The following ANKRD36B variants were observed in gnomAD, a reference collection of about 807,000 sequenced individuals.
The protein encoded by ANKRD36B is ankyrin repeat domain-containing protein 36B.
A neutral mutation model predicts 135.7 loss-of-function variants in ANKRD36B; 37 were observed. That is an observed-to-expected ratio of 0.27 (90% confidence interval 0.21 to 0.36). The LOEUF is 0.36. ANKRD36B is among the 10% of genes least tolerant of loss of function. ANKRD36B has a pLI of 1.00. For synonymous variants in ANKRD36B, 179 were observed against 348.1 expected (o/e 0.51, Z 5.41); for missense variants, 549 against 1,037.1 (o/e 0.53, Z 6.46).
At chr2:97,571,839 G>T (rs1287565663) in intron 6 of ANKRD36B, among the ~76,000 whole-genome samples, 1 of 152,070 alleles carries the variant, frequency 6.6e-6, no homozygotes, top group Admixed American at 6.5e-5. Context: ...AAAATCATCT[G>T]TTAAGGGCCG....
intron 43 of ANKRD36B, among the ~76,000 whole-genome samples, chr2:97,494,430 G>T (rs2077281054): frequency 9.4e-6 from 1 of 106,768 alleles, no homozygotes; most frequent in South Asian, 2.2e-4. Flanking sequence ...GAGGTAGGAA[G>T]AGAGGGGAGA....
intron 3 of ANKRD36B, among the ~76,000 whole-genome samples, chr2:97,582,440 G>A (rs972558457): frequency 4.6e-5 from 7 of 151,716 alleles, no homozygotes; most frequent in African/African-American, 7.3e-5. Flanking sequence ...GATGACCTGA[G>A]GAAGTGAAGT....
In ANKRD36B at chr2:97,534,716, G is replaced by A. The variant is rs1487751385; in HGVS notation, c.2191+1584C>T. On this transcript the variant is annotated intron_variant, in intron 34 of 43. Transcript: ENST00000359901. ...AGGATGTGGAGAAAGCAGAACCCTC[G>A]TACACCATTGGTGGCATTGTGAATT... Among the ~76,000 whole-genome samples, 8 of 96,434 alleles carry A rather than the reference G, an allele frequency of 8.3e-5. 4 individuals carry two copies. The highest frequency in any genetic ancestry group is 1.2e-4 in the African/African-American group (4 of 32,062). The allele number at this position is 96,434 out of a possible 152,430, so 63.3% of individuals were successfully genotyped here.
chr2:97,531,053 TG>T lies in ANKRD36B; in HGVS notation c.2265+1257del, dbSNP rs1287180409. Reference sequence around the variant, plus strand: ...CCATTTGACCCTGCCATCCCATTACTGGGTATATACCCAAAGGACTATAAAT... The same window carrying T: ...CCATTTGACCCTGCCATCCCATTACTGGTATATACCCAAAGGACTATAAAT... On this transcript the variant is annotated intron_variant, in intron 35 of 43. Transcript: ENST00000359901. Among the ~76,000 whole-genome samples the T allele has an allele frequency of 3.9e-4, 37 of 95,224 alleles. 9 individuals carry two copies. Among genetic ancestry groups the T allele is most frequent in the South Asian group, 2.9e-3 (12 of 4,178 alleles). 62.5% of individuals were successfully genotyped at this position (95,224 alleles called of 152,430 possible).
chr2:97,575,335 C>A lies in ANKRD36B; in HGVS notation c.763+1044G>T, dbSNP rs2082155046. Among the ~76,000 whole-genome samples, 3 of 151,772 alleles carry A rather than the reference C, an allele frequency of 2.0e-5. No individual in the cohort carries two copies. The South Asian group carries it at 6.2e-4, about 32-fold the overall frequency. The stretch of plus-strand genomic sequence containing the variant: ...TAATAATTATAATAACATCATTCTA[C>A]GTCTGCATCTCCAACCTCAGATTTG... On this transcript the variant is annotated intron_variant, in intron 6 of 43. Coordinates refer to ENST00000359901, the MANE Select transcript of ANKRD36B (RefSeq NM_001393939.1).
chr2:97,513,324 A>T lies in ANKRD36B; in HGVS notation c.2661T>A (p.Val887=). ...IQQEKKKRRN[V]EELHQKVREK... is the part of the protein sequence containing the mutation. ...CCCTAACTTTTTGGTGCAACTCTTC[A>T]ACATTTCTTCTTTTCTTTTTTTCTT... Residue 887 remains valine (V), a synonymous_variant, in exon 38 of 44, where the codon GTT becomes GTA. Coordinates refer to ENST00000359901, the MANE Select transcript of ANKRD36B (RefSeq NM_001393939.1). 6.4e-7 allele frequency: 1 copy of T among 1,569,252 alleles called. No individual in the cohort carries two copies. Among genetic ancestry groups the T allele is most frequent in the Non-Finnish European group, 8.6e-7 (1 of 1,167,166 alleles).
At chr2:97,546,422 A>G (rs2079469520) in intron 22 of ANKRD36B, among the ~76,000 whole-genome samples, 1 of 151,722 alleles carries the variant, frequency 6.6e-6, no homozygotes, top group African/African-American at 2.4e-5. Context: ...CCTAGTAGAT[A>G]ACATTCATTA....
rs1302237898 is a variant in ANKRD36B, at chr2:97,553,377, A to G, written c.1172-6T>C. On this transcript the variant is annotated splice_polypyrimidine_tract_variant and splice_region_variant and intron_variant, in intron 14 of 43. Transcript: ENST00000359901. The stretch of plus-strand genomic sequence containing the variant: ...TTGTTGTTTCTGAGAAGACACTGAA[A>G]AGCAAAAGGGATACATAATCACTCA... 6.2e-7 allele frequency: 1 copy of G among 1,609,106 alleles called. No homozygotes were observed.
intron 6 of ANKRD36B, among the ~76,000 whole-genome samples, chr2:97,564,666 C>A (rs537840420): frequency 1.3e-3 from 191 of 152,200 alleles, no homozygotes; most frequent in South Asian, 2.3e-3. Flanking sequence ...TCAGGTTTGT[C>A]AAAGATCAGA....
Position 97,556,674 on chromosome 2 carries a change from C to T in ANKRD36B, c.1069+263G>A, listed in dbSNP as rs370522479. The stretch of plus-strand genomic sequence containing the variant: ...GAAATAAGAGAAAAATTATGCTGTC[C>T]CCTGATCCTCTTATGTCTTCAACTG... On this transcript the variant is annotated intron_variant, in intron 12 of 43. Coordinates refer to ENST00000359901, the MANE Select transcript of ANKRD36B (RefSeq NM_001393939.1). Among the ~76,000 whole-genome samples, 4 of 151,916 alleles carry T rather than the reference C, an allele frequency of 2.6e-5. No individual in the cohort carries two copies. The South Asian group carries it at 8.3e-4, about 31-fold the overall frequency.
chr2:97,575,188 C>T (rs113919260), intron 6 of ANKRD36B, among the ~76,000 whole-genome samples: 1 of 151,940 alleles, frequency 6.6e-6, no homozygotes, highest in Non-Finnish European at 1.5e-5. Flanking sequence ...CATTCTCCTT[C>T]ACCAACTCTT....
In ANKRD36B at chr2:97,589,582, T is replaced by G; in HGVS notation, c.104A>C (p.Lys35Thr). 1 of 1,613,542 alleles carries G rather than the reference T, an allele frequency of 6.2e-7. No individual in the cohort carries two copies. Among genetic ancestry groups the G allele is most frequent in the Non-Finnish European group, 8.5e-7 (1 of 1,179,768 alleles). ...ATACGTGAGCAGAAGGTACTTCAGTTTCTCCAGATTACCACGTAAGACAGC... is the reference window on the plus strand; with the variant it reads ...ATACGTGAGCAGAAGGTACTTCAGTGTCTCCAGATTACCACGTAAGACAGC... Reference protein sequence around the residue: ...HRAVLRGNLEKLKYLLLTYYD... With the variant: ...HRAVLRGNLETLKYLLLTYYD... The change falls in exon 1 of 44, where the codon AAA becomes ACA. Residue 35 changes from lysine to threonine, a missense_variant. Coordinates refer to ENST00000359901, the MANE Select transcript of ANKRD36B (RefSeq NM_001393939.1).
intron 6 of ANKRD36B, among the ~76,000 whole-genome samples, chr2:97,566,198 G>A (rs1205058608): frequency 6.6e-6 from 1 of 151,864 alleles, no homozygotes; most frequent in Non-Finnish European, 1.5e-5. Flanking sequence ...GCACACGTAT[G>A]TAATCCCAGC....
Position 97,536,418 on chromosome 2 carries a change from G to A in ANKRD36B, c.2119-46C>T, listed in dbSNP as rs758710478. 1.4e-5 allele frequency: 12 copies of A among 880,086 alleles called. 3 individuals carry two copies. The African/African-American group carries it at 2.1e-4, about 15-fold the overall frequency. The allele number at this position is 880,086 out of a possible 1,614,324, so 54.5% of individuals were successfully genotyped here. On this transcript the variant is annotated intron_variant, in intron 33 of 43. Transcript: ENST00000359901. ...AGTGATTAGCACATGATGTATATTG[G>A]TATAGGTTATGCAGTTAATAATTAA...
rs2083286582 is a variant in ANKRD36B, at chr2:97,589,688, G to A, written c.-3C>T. On this transcript the variant is annotated 5_prime_UTR_variant, in exon 1 of 44. Transcript: ENST00000359901. Reference sequence around the variant, plus strand: ...CCATCCGAGCACAAGCGCTCCATGAGGGTGGGCCACCTCTCCCGCTCGTCG... The same window carrying A: ...CCATCCGAGCACAAGCGCTCCATGAAGGTGGGCCACCTCTCCCGCTCGTCG... 3 of 1,614,064 alleles carry A rather than the reference G, an allele frequency of 1.9e-6. No homozygotes were observed. Among genetic ancestry groups the A allele is most frequent in the South Asian group, 2.2e-5 (2 of 91,094 alleles).
chr2:97,571,274 T>A (rs1443607140), intron 6 of ANKRD36B, among the ~76,000 whole-genome samples: 1 of 152,006 alleles, frequency 6.6e-6, no homozygotes. Flanking sequence ...AGATCAAAAG[T>A]TTGAGGCTGC....
intron 3 of ANKRD36B, among the ~76,000 whole-genome samples, chr2:97,580,907 GT>G (rs1479535014): frequency 8.2e-5 from 7 of 85,604 alleles, no homozygotes; most frequent in Non-Finnish European, 1.3e-4. Context: ...GGCAGCAGCT[GT>G]ATTTTTTTCT....
At chr2:97,514,560 G>A (rs1017446994) in intron 37 of ANKRD36B, among the ~76,000 whole-genome samples, 1 of 83,188 alleles carries the variant, frequency 1.2e-5, no homozygotes, top group African/African-American at 3.7e-5. Context: ...TACATTGCAA[G>A]ATAGCATTTT....
At chr2:97,563,429 A>AT (rs1472426382) in intron 6 of ANKRD36B, among the ~76,000 whole-genome samples, 1 of 97,118 alleles carries the variant, frequency 1.0e-5, no homozygotes, top group Non-Finnish European at 2.7e-5. Flanking sequence ...AAGAGAAAAA[A>AT]ATACACACAC....
Sources: gnomAD v4.1 joint callset for allele counts (sites outside exome capture counted in the v4.1 genomes callset) on GRCh38, gnomAD v4.1.1 for gene constraint, MANE v1.5 for transcripts, NCBI Gene and HGNC (gene_info 2026-07-23, HGNC 2026-07-21) for gene names.